The following STARD13 variants were observed in gnomAD, a reference collection of about 807,000 sequenced individuals.
STARD13 encodes the protein StAR related lipid transfer domain containing 13.
STARD13 carries 62 observed loss-of-function variants against 106.4 expected under a neutral mutation model. The ratio of observed to expected loss-of-function variants is 0.58; its 90% CI spans 0.48 to 0.72. The LOEUF (loss-of-function observed/expected upper bound fraction) is 0.72. Among genes scored for constraint, STARD13 ranks in the 30% least tolerant of loss-of-function variants. STARD13 has a pLI of 0.00. For synonymous variants in STARD13, 565 were observed against 553.0 expected (o/e 1.02, Z -0.31); for missense variants, 1,387 against 1,424.0 (o/e 0.97, Z 0.42).
chr13:33,477,219 T>A, the STARD13 span, among the ~76,000 whole-genome samples: 1 of 152,232 alleles, frequency 6.6e-6, no homozygotes, highest in Non-Finnish European at 1.5e-5. Context: ...TCTACAAACT[T>A]ACTTTTCAGC....
chr13:33,313,896 A>T (rs1893233324), intron 1 of STARD13, among the ~76,000 whole-genome samples: 2 of 152,144 alleles, frequency 1.3e-5, no homozygotes, highest in South Asian at 4.1e-4. Flanking sequence ...TACAGATACC[A>T]TGTTGCACCC....
intron 1 of STARD13, among the ~76,000 whole-genome samples, chr13:33,189,167 C>G (rs761980475): frequency 1.3e-5 from 2 of 152,020 alleles, no homozygotes; most frequent in Non-Finnish European, 2.9e-5. Context: ...GGAAGAACTA[C>G]AAACAAAGCT....
chr13:33,355,410 G>A (rs1023647370), upstream of STARD13: 12 of 152,196 alleles, frequency 7.9e-5, no homozygotes, highest in Non-Finnish European at 1.8e-4. Context: ...CTTTGCTTGA[G>A]AATAGAGCCC....
At chr13:33,189,512 A>G (rs1886085948) in intron 1 of STARD13, among the ~76,000 whole-genome samples, 2 of 150,816 alleles carry the variant, frequency 1.3e-5, no homozygotes. Context: ...AAACAAATTC[A>G]GTCCTTCCGA....
the STARD13 span, chr13:33,359,336 C>T: frequency 6.7e-5 from 11 of 164,508 alleles, no homozygotes; most frequent in Non-Finnish European, 1.0e-4. Flanking sequence ...ACACTCACCG[C>T]GAAGGTCTGC....
At chr13:33,331,531 T>C (rs1303617901) in intron 1 of STARD13, among the ~76,000 whole-genome samples, 1 of 150,196 alleles carries the variant, frequency 6.7e-6, no homozygotes, top group East Asian at 1.9e-4. Context: ...TTTGTATTTT[T>C]TTTTTTTTTT....
At chr13:33,396,074 A>G in the STARD13 span, among the ~76,000 whole-genome samples, 1 of 152,202 alleles carries the variant, frequency 6.6e-6, no homozygotes, top group East Asian at 1.9e-4. Flanking sequence ...ATTGGTTTCG[A>G]ACTCCTGGGT....
chr13:33,304,880 C>A (rs116769672), intron 1 of STARD13, among the ~76,000 whole-genome samples: 2,542 of 152,260 alleles, frequency 0.017, 70 homozygotes, highest in African/African-American at 0.058. Context: ...ATTTACTGAT[C>A]ATCTACCATG....
rs562660209 is a variant in STARD13 at position 33,154,203 on chromosome 13, CAGTCAGA to C, written c.323+11127_323+11133del. On this transcript the variant is annotated intron_variant, in intron 3 of 13. Transcript: ENST00000336934. ...CAGGGGGCAGGAAAAAGAAAGAGGA[CAGTCAGA>C]AGTCAGAAGTCAGCAGGTGGTGTCA... Among the ~76,000 whole-genome samples the C allele has an allele frequency of 2.8e-4, 43 of 152,252 alleles. No homozygotes were observed. The South Asian group carries it at 7.0e-3, about 25-fold the overall frequency.
chr13:33,630,044 T>G, the STARD13 span, among the ~76,000 whole-genome samples: 1 of 152,230 alleles, frequency 6.6e-6, no homozygotes, highest in Non-Finnish European at 1.5e-5. Context: ...GTCCTTGTTA[T>G]TCTTTCACAT....
At chr13:33,254,327 A>G (rs543932596) in intron 1 of STARD13, among the ~76,000 whole-genome samples, 1 of 152,250 alleles carries the variant, frequency 6.6e-6, no homozygotes, top group Non-Finnish European at 1.5e-5. Flanking sequence ...TGCGTGTGAC[A>G]CAGGTGAGCA....
the STARD13 span, among the ~76,000 whole-genome samples, chr13:33,523,520 A>G: frequency 1.3e-5 from 2 of 152,138 alleles, no homozygotes; most frequent in African/African-American, 2.4e-5. Flanking sequence ...CAACCTTGCA[A>G]ATTATTACTT....
the STARD13 span, among the ~76,000 whole-genome samples, chr13:33,409,925 C>T: frequency 1.3e-5 from 2 of 152,224 alleles, no homozygotes; most frequent in African/African-American, 4.8e-5. Context: ...TTTACAGTCA[C>T]AGCTTTTCCC....
the STARD13 span, among the ~76,000 whole-genome samples, chr13:33,530,765 TC>T: frequency 2.0e-5 from 3 of 152,220 alleles, no homozygotes; most frequent in Non-Finnish European, 2.9e-5. Context: ...ATGTATTCAT[TC>T]ATTAGAGGCT....
At chr13:33,593,574 G>A in the STARD13 span, among the ~76,000 whole-genome samples, 1 of 152,144 alleles carries the variant, frequency 6.6e-6, no homozygotes, top group South Asian at 2.1e-4. Context: ...AGACCCACAG[G>A]ACATTTATGC....
chr13:33,192,428 T>C (rs1886317367), intron 1 of STARD13, among the ~76,000 whole-genome samples: 1 of 152,190 alleles, frequency 6.6e-6, no homozygotes, highest in South Asian at 2.1e-4. Flanking sequence ...ACGAGGAAAG[T>C]TTATAGGACC....
the STARD13 span, among the ~76,000 whole-genome samples, chr13:33,435,445 C>A: frequency 1.3e-5 from 2 of 152,166 alleles, no homozygotes; most frequent in African/African-American, 4.8e-5. Context: ...GTGGCACTTG[C>A]ATTTCAAGAT....
chr13:33,377,512 A>C, the STARD13 span, among the ~76,000 whole-genome samples: 1 of 152,180 alleles, frequency 6.6e-6, no homozygotes, highest in African/African-American at 2.4e-5. Context: ...TGATCTTTGC[A>C]TGATGACAGA....
the STARD13 span, among the ~76,000 whole-genome samples, chr13:33,504,495 T>A: frequency 6.6e-6 from 1 of 151,598 alleles, no homozygotes; most frequent in Non-Finnish European, 1.5e-5. Flanking sequence ...CTGAGCAAAC[T>A]ATCGCAAGGC....
Sources: gnomAD v4.1 joint callset for allele counts (sites outside exome capture counted in the v4.1 genomes callset) on GRCh38, gnomAD v4.1.1 for gene constraint, MANE v1.5 for transcripts, NCBI Gene and HGNC (gene_info 2026-07-23, HGNC 2026-07-21) for gene names.